ZNF205: variants seen among roughly 807,000 people sequenced by gnomAD.
ZNF205 encodes the protein transcriptional repressor RHIT.
ZNF205 carries 32 observed loss-of-function variants against 53.6 expected under a neutral mutation model. The observed-to-expected ratio is 0.60, with a 90% CI of 0.45 to 0.80. The LOEUF is 0.80. Among genes scored for constraint, ZNF205 ranks in the 30% least tolerant of loss-of-function variants. The probability of loss-of-function intolerance (pLI) is 0.00; values close to 1 mark genes in which losing one functional copy is unlikely to be tolerated. For synonymous variants in ZNF205, 382 were observed against 334.3 expected (o/e 1.14, Z -1.56); for missense variants, 836 against 782.4 (o/e 1.07, Z -0.82).
rs963958180 is a variant in ZNF205, at chr16:3,115,113, G to T, written c.58-242G>T. ...TCTACACTGCTGAGGTCAGTGTGAG[G>T]CTGGAGCTGAGAAGGGGTAGCTGCC... is the stretch of plus-strand genomic sequence containing the variant. On this transcript the variant is annotated intron_variant, in intron 2 of 6. Coordinates refer to ENST00000219091, the MANE Select transcript of ZNF205 (RefSeq NM_001042428.2). The T allele has an allele frequency of 1.4e-5, 5 of 355,958 alleles. No individual in the cohort carries two copies. The Admixed American group carries it at 1.9e-4, about 13-fold the overall frequency. 22.0% of individuals were successfully genotyped at this position (355,958 alleles called of 1,614,324 possible).
chr16:3,116,884 T>A (rs1182886845), intron 5 of ZNF205, among the ~76,000 whole-genome samples: 1 of 152,150 alleles, frequency 6.6e-6, no homozygotes, highest in East Asian at 1.9e-4. Flanking sequence ...AAGCTCCGCC[T>A]CCCGGGTTCA....
chr16:3,116,392 A>G lies in ZNF205; in HGVS notation c.364-35A>G, dbSNP rs779654711. On this transcript the variant is annotated intron_variant, in intron 4 of 6. Coordinates refer to ENST00000219091, the MANE Select transcript of ZNF205 (RefSeq NM_001042428.2). The stretch of plus-strand genomic sequence containing the variant: ...GGTGTCCCTCCACCGTGTCCACGTC[A>G]TGTCCTGGAGAGTGGATGTTTCACA... The G allele has an allele frequency of 1.9e-5, 31 of 1,612,322 alleles. 2 individuals carry two copies. The South Asian group carries it at 3.1e-4, about 16-fold the overall frequency.
chr16:3,113,344 T>C (rs1957294945), intron 1 of ZNF205, 73 bp from the exon 2 acceptor site: 2 of 1,512,346 alleles, frequency 1.3e-6, no homozygotes, highest in Admixed American at 1.8e-5. Flanking sequence ...TGTCTGCTCT[T>C]CTAGGCTCCT....
At chr16:3,117,442 C>CTTGT (rs1957359609) in intron 5 of ZNF205, among the ~76,000 whole-genome samples, 1 of 73,188 alleles carries the variant, frequency 1.4e-5, no homozygotes, top group African/African-American at 5.6e-5. Flanking sequence ...AGTCCCAGAG[C>CTTGT]TTTTTTTTTT....
rs771033797 is a variant in ZNF205, at chr16:3,113,496, G to A, written c.57+9G>A. Reference sequence around the variant, plus strand: ...AGGAGACACCCCCGGAGGTACAGATGGGGCTGGCTGAGGGAGGTGTGCGGT... The same window carrying A: ...AGGAGACACCCCCGGAGGTACAGATAGGGCTGGCTGAGGGAGGTGTGCGGT... On this transcript the variant is annotated intron_variant, in intron 2 of 6. Transcript: ENST00000219091. 102 of 1,612,892 alleles carry A rather than the reference G, an allele frequency of 6.3e-5. No individual in the cohort carries two copies. In the Middle Eastern group the frequency reaches 6.6e-4, roughly 10 times the overall value.
chr16:3,115,902 C>G lies in ZNF205; in HGVS notation c.345C>G (p.Leu115=). ...GAGACCGGCAGATGGCTGCAGCGCTCCTCACTGCCTGGTCCCAGGTGAGTG... is the reference window on the plus strand; with the variant it reads ...GAGACCGGCAGATGGCTGCAGCGCTGCTCACTGCCTGGTCCCAGGTGAGTG... The part of the protein sequence containing the change: ...RTRDRQMAAA[L]LTAWSQMPVT... The change falls in exon 4 of 7, where the codon CTC becomes CTG. Residue 115 remains leucine, a synonymous_variant. Coordinates refer to ENST00000219091, the MANE Select transcript of ZNF205 (RefSeq NM_001042428.2). The G allele has an allele frequency of 6.2e-7, 1 of 1,613,850 alleles. No homozygotes were observed. Among genetic ancestry groups the G allele is most frequent in the Non-Finnish European group, 8.5e-7 (1 of 1,179,954 alleles).
At position 3,120,422 on chromosome 16, in the gene ZNF205, C is replaced by T; in HGVS notation, c.*97C>T. 7.4e-7 allele frequency: 1 copy of T among 1,356,922 alleles called. No individual in the cohort carries two copies. Among genetic ancestry groups the T allele is most frequent in the Non-Finnish European group, 9.7e-7 (1 of 1,028,124 alleles). 84.1% of individuals were successfully genotyped at this position (1,356,922 alleles called of 1,614,324 possible). A position where few individuals can be genotyped will look rare whatever the true frequency, so the allele number is the denominator to read the frequency against. On this transcript the variant is annotated 3_prime_UTR_variant, in exon 7 of 7. Transcript: ENST00000219091. ...AGGAGAGAGGGGCTCGGGAAGGGAG[C>T]TGGGGCGGTGAGGGCATGGGGTGAG...
chr16:3,119,726 A>G lies in ZNF205; in HGVS notation c.1066A>G (p.Ile356Val), dbSNP rs1957397085. ...CAGCTCGCACCTCATCCAGCACCAG[A>G]TCATCCACACGGGCGAGAAGCCCTA... Reference protein sequence around the residue: ...GRSSHLIQHQIIHTGEKPYTC... With the variant: ...GRSSHLIQHQVIHTGEKPYTC... Residue 356 changes from isoleucine to valine, a missense_variant, in exon 7 of 7, where the codon ATC becomes GTC. Coordinates refer to ENST00000219091, the MANE Select transcript of ZNF205 (RefSeq NM_001042428.2). 6.2e-7 allele frequency: 1 copy of G among 1,610,664 alleles called. No individual in the cohort carries two copies. Among genetic ancestry groups the G allele is most frequent in the Admixed American group, 1.7e-5 (1 of 59,748 alleles).
Position 3,119,977 on chromosome 16 carries a change from G to C in ZNF205, c.1317G>C (p.Gln439His), listed in dbSNP as rs1957402647. 1 of 1,613,654 alleles carries C rather than the reference G, an allele frequency of 6.2e-7. No individual in the cohort carries two copies. Among genetic ancestry groups the C allele is most frequent in the Non-Finnish European group, 8.5e-7 (1 of 1,179,928 alleles). The change falls in exon 7 of 7, where the codon CAG becomes CAC. Residue 439 changes from glutamine to histidine, a missense_variant. Transcript: ENST00000219091. ...FTQSSALVTH[Q>H]RTHTGVKPYP... ...AGAGCTCGGCGCTAGTCACCCACCAGCGCACCCACACTGGGGTCAAGCCCT... is the reference window on the plus strand; with the variant it reads ...AGAGCTCGGCGCTAGTCACCCACCACCGCACCCACACTGGGGTCAAGCCCT...
In ZNF205 at chr16:3,115,439, C is replaced by A; in HGVS notation, c.142C>A (p.His48Asn). The A allele has an allele frequency of 2.5e-6, 4 of 1,612,616 alleles. No individual in the cohort carries two copies. The highest frequency in any genetic ancestry group is 3.4e-6 in the Non-Finnish European group (4 of 1,179,308). The change falls in exon 3 of 7, where the codon CAC (histidine) becomes AAC (asparagine). Residue 48 changes from histidine (H) to asparagine (N), a missense_variant. Physicochemically the swap from His to Asn is moderately conservative, Grantham distance 68. Coordinates refer to ENST00000219091, the MANE Select transcript of ZNF205 (RefSeq NM_001042428.2). ...TTCAGGGGACACTCAGGAGTCACTGCACATTAAGATGGAGCCCGAAGAGCC... is the reference window on the plus strand; with the variant it reads ...TTCAGGGGACACTCAGGAGTCACTGAACATTAAGATGGAGCCCGAAGAGCC... ...VPSGDTQESL[H>N]IKMEPEEPHS...
Position 3,120,122 on chromosome 16 carries a change from A to T in ZNF205, c.1462A>T (p.Ser488Cys). 6.2e-7 allele frequency: 1 copy of T among 1,613,180 alleles called. No homozygotes were observed. The highest frequency in any genetic ancestry group is 8.5e-7 in the Non-Finnish European group (1 of 1,179,626). Reference protein sequence around the residue: ...CLDCGKSFSHSSHLTAHQRTH... With the variant: ...CLDCGKSFSHCSHLTAHQRTH... ...CGACTGCGGCAAGAGCTTCAGCCAC[A>T]GCTCGCACCTCACCGCGCACCAGCG... The change falls in exon 7 of 7, where the codon AGC becomes TGC. Residue 488 changes from serine (S) to cysteine (C), a missense_variant. Ser to Cys is a moderately radical substitution (Grantham distance 112, BLOSUM62 -1). Coordinates refer to ENST00000219091, the MANE Select transcript of ZNF205 (RefSeq NM_001042428.2).
chr16:3,113,380 C>A, intron 1 of ZNF205, 37 bp from the exon 2 acceptor site: 1 of 1,606,742 alleles, frequency 6.2e-7, no homozygotes, highest in South Asian at 1.1e-5. Flanking sequence ...GGGGCTTGGC[C>A]AAAAAGAGGG....
In ZNF205 at chr16:3,119,465, A is replaced by C; in HGVS notation, c.805A>C (p.Ser269Arg). 1.3e-6 allele frequency: 2 copies of C among 1,590,160 alleles called. No individual in the cohort carries two copies. The highest frequency in any genetic ancestry group is 1.7e-6 in the Non-Finnish European group (2 of 1,169,478). ...RTPDAAPPDPSPTEPQEYRVP... is the reference protein window; with the variant it reads ...RTPDAAPPDPRPTEPQEYRVP... ...CCCGGATGCAGCTCCGCCAGACCCC[A>C]GTCCCACGGAGCCCCAGGAGTACCG... Residue 269 changes from serine (S) to arginine (R), a missense_variant, in exon 7 of 7, where the codon AGT becomes CGT. Ser to Arg is a moderately radical substitution (Grantham distance 110). Transcript: ENST00000219091.
intron 3 of ZNF205, 37 bp from the exon 4 acceptor site, chr16:3,115,792 T>A: frequency 6.4e-7 from 1 of 1,570,804 alleles, no homozygotes; most frequent in Non-Finnish European, 8.7e-7. Context: ...TCCAGCAGGA[T>A]GAGCTGATCA....
Position 3,119,574 on chromosome 16 carries a change from G to A in ZNF205, c.914G>A (p.Arg305Lys), listed in dbSNP as rs779776897. 2 of 1,608,636 alleles carry A rather than the reference G, an allele frequency of 1.2e-6. No homozygotes were observed. Among genetic ancestry groups the A allele is most frequent in the Non-Finnish European group, 1.7e-6 (2 of 1,177,982 alleles). ...EGLAPDSEVG[R>K]KSYRCEQCGK... ...CTGGCCCCTGACAGTGAGGTGGGCA[G>A]GAAGAGCTACCGGTGCGAGCAGTGC... Residue 305 changes from arginine (R) to lysine (K), a missense_variant, in exon 7 of 7, where the codon AGG (arginine) becomes AAG (lysine). Transcript: ENST00000219091.
rs1328655186 is a variant in ZNF205 at position 3,119,971 on chromosome 16, C to A, written c.1311C>A (p.Thr437=). The A allele has an allele frequency of 4.3e-6, 7 of 1,613,518 alleles. No individual in the cohort carries two copies. In the South Asian group the frequency reaches 6.6e-5, roughly 15 times the overall value. Residue 437 remains threonine (T), a synonymous_variant, in exon 7 of 7, where the codon ACC becomes ACA. Transcript: ENST00000219091. The stretch of plus-strand genomic sequence containing the variant: ...TCACGCAGAGCTCGGCGCTAGTCAC[C>A]CACCAGCGCACCCACACTGGGGTCA... The part of the protein sequence containing the change: ...KCFTQSSALV[T]HQRTHTGVKP...
At position 3,119,539 on chromosome 16, in the gene ZNF205, C is replaced by A. The variant is rs763211830; in HGVS notation, c.879C>A (p.Gly293=). 1.9e-6 allele frequency: 3 copies of A among 1,605,932 alleles called. No homozygotes were observed. Among genetic ancestry groups the A allele is most frequent in the Non-Finnish European group, 2.5e-6 (3 of 1,176,834 alleles). The stretch of plus-strand genomic sequence containing the variant: ...AGGAGAAGGGCGCCCCGGAGAGTGG[C>A]GAGGAGGGCCTGGCCCCTGACAGTG... ...NEEEKGAPES[G]EEGLAPDSEV... The change falls in exon 7 of 7, where the codon GGC becomes GGA. Residue 293 remains glycine, a synonymous_variant. Coordinates refer to ENST00000219091, the MANE Select transcript of ZNF205 (RefSeq NM_001042428.2).
intron 2 of ZNF205, among the ~76,000 whole-genome samples, chr16:3,113,781 C>T (rs1222232827): frequency 3.3e-5 from 5 of 152,170 alleles, no homozygotes; most frequent in African/African-American, 1.2e-4. Flanking sequence ...GAAACCTGTT[C>T]TCCTTCCCCG....
rs1434950360 is a variant in ZNF205 at position 3,120,441 on chromosome 16, G to A, written c.*116G>A. ...AGGGAGCTGGGGCGGTGAGGGCATG[G>A]GGTGAGGCATGGCGATGGGGGAGGG... On this transcript the variant is annotated 3_prime_UTR_variant, in exon 7 of 7. Transcript: ENST00000219091. 8 of 1,240,336 alleles carry A rather than the reference G, an allele frequency of 6.4e-6. No homozygotes were observed. Among genetic ancestry groups the A allele is most frequent in the Middle Eastern group, 2.8e-4 (1 of 3,614 alleles). 76.8% of individuals were successfully genotyped at this position (1,240,336 alleles called of 1,614,324 possible). A position where few individuals can be genotyped will look rare whatever the true frequency, so the allele number is the denominator to read the frequency against.
Sources: gnomAD v4.1 joint callset for allele counts (sites outside exome capture counted in the v4.1 genomes callset) on GRCh38, gnomAD v4.1.1 for gene constraint, MANE v1.5 for transcripts, NCBI Gene and HGNC (gene_info 2026-07-23, HGNC 2026-07-21) for gene names.